The following DLG2 variants were observed in gnomAD, a reference collection of about 807,000 sequenced individuals.
DLG2 encodes discs large MAGUK scaffold protein 2.
DLG2 carries 45 observed loss-of-function variants against 132.5 expected under a neutral mutation model. That is an observed-to-expected ratio of 0.34 (90% CI 0.27 to 0.44). The LOEUF is 0.44. DLG2 is among the 20% of genes least tolerant of loss of function. DLG2 has a pLI of 1.00. For missense variants in DLG2, 1,045 were observed against 1,196.9 expected (o/e 0.87, Z 1.87); for synonymous variants, 424 against 419.6 (o/e 1.01, Z -0.13).
Position 85,420,229 on chromosome 11 carries a change from C to A in DLG2, c.41-134864G>T, listed in dbSNP as rs182225775. Among the ~76,000 whole-genome samples the A allele has an allele frequency of 7.9e-5, 12 of 152,270 alleles. No homozygotes were observed. In the East Asian group the frequency reaches 2.3e-3, roughly 29 times the overall value. Reference sequence around the variant, plus strand: ...TGCTGGAGTTTGCTGGAGGTCTACTCCAGACCATGTTTGCCTAGGTATCAC... The same window carrying A: ...TGCTGGAGTTTGCTGGAGGTCTACTACAGACCATGTTTGCCTAGGTATCAC... On this transcript the variant is annotated intron_variant, in intron 3 of 27. Transcript: ENST00000376104.
intron 6 of DLG2, among the ~76,000 whole-genome samples, chr11:84,856,717 G>T (rs1408732216): frequency 6.6e-6 from 1 of 151,874 alleles, no homozygotes; most frequent in East Asian, 1.9e-4. Context: ...CCCTTCAAAG[G>T]TTTCCTGCTC....
At chr11:83,629,794 C>A (rs578214302) in intron 19 of DLG2, among the ~76,000 whole-genome samples, 3 of 152,234 alleles carry the variant, frequency 2.0e-5, no homozygotes, top group African/African-American at 7.2e-5. Context: ...CAATAAAATT[C>A]ATATTCCAGT....
At chr11:84,348,145 A>G (rs560831485) in intron 7 of DLG2, among the ~76,000 whole-genome samples, 1 of 152,328 alleles carries the variant, frequency 6.6e-6, no homozygotes, top group African/African-American at 2.4e-5. Flanking sequence ...CATTCTTATC[A>G]TTACTTATAA....
At chr11:84,109,746 C>T (rs6592164) in intron 9 of DLG2, among the ~76,000 whole-genome samples, 133,108 of 152,094 alleles carry the variant, frequency 0.88, 58,552 homozygotes, top group Middle Eastern at 0.95. Context: ...ATCTTCTACT[C>T]CTAATGACAT....
chr11:84,254,686 ATAAT>A (rs2097437514), intron 7 of DLG2, among the ~76,000 whole-genome samples: 1 of 152,204 alleles, frequency 6.6e-6, no homozygotes, highest in Non-Finnish European at 1.5e-5. Context: ...TTATAAAATA[ATAAT>A]TAATAATTTC....
At chr11:83,753,837 T>TATATATATC (rs1566831674) in intron 18 of DLG2, among the ~76,000 whole-genome samples, 150 of 11,064 alleles carry the variant, frequency 0.014, 5 homozygotes, top group African/African-American at 0.057. Context: ...ATATATATGA[T>TATATATATC]ATATATCATA....
intron 3 of DLG2, among the ~76,000 whole-genome samples, chr11:85,412,752 C>CATATATATAT (rs1458933936): frequency 8.0e-6 from 1 of 125,432 alleles, no homozygotes; most frequent in African/African-American, 3.2e-5. Flanking sequence ...CACACACACA[C>CATATATATAT]ACACACACAT....
chr11:84,330,114 C>T (rs1834992749), intron 7 of DLG2, among the ~76,000 whole-genome samples: 2 of 152,186 alleles, frequency 1.3e-5, no homozygotes, highest in Non-Finnish European at 2.9e-5. Flanking sequence ...TCTATTTATG[C>T]ATTTACCTGT....
At chr11:84,843,832 T>C (rs948179327) in intron 6 of DLG2, among the ~76,000 whole-genome samples, 1 of 151,682 alleles carries the variant, frequency 6.6e-6, no homozygotes. Flanking sequence ...GTTGAATCCA[T>C]GGATGTGGAA....
At chr11:83,537,563 C>T (rs2095913107) in intron 20 of DLG2, among the ~76,000 whole-genome samples, 1 of 151,870 alleles carries the variant, frequency 6.6e-6, no homozygotes, top group African/African-American at 2.4e-5. Context: ...GCCTGTAATC[C>T]CAGCATTTTG....
chr11:85,269,980 A>T (rs2077426890), intron 4 of DLG2, among the ~76,000 whole-genome samples: 2 of 152,262 alleles, frequency 1.3e-5, no homozygotes, highest in African/African-American at 4.8e-5. Flanking sequence ...AGCACTGCTT[A>T]GAATATAATA....
intron 7 of DLG2, among the ~76,000 whole-genome samples, chr11:84,359,505 T>C (rs1377407382): frequency 2.0e-5 from 3 of 151,810 alleles, no homozygotes; most frequent in Non-Finnish European, 2.9e-5. Flanking sequence ...GGCCTGAAAA[T>C]TATTGTCTAG....
intron 6 of DLG2, among the ~76,000 whole-genome samples, chr11:85,062,319 T>C (rs775732323): frequency 1.2e-4 from 18 of 151,832 alleles, no homozygotes; most frequent in South Asian, 2.1e-4. Flanking sequence ...TGTTTGATCA[T>C]TGCATTCCAG....
intron 6 of DLG2, among the ~76,000 whole-genome samples, chr11:84,943,167 CGTGTGTGTGTGTGTGTGT>C (rs201404405): frequency 7.3e-6 from 1 of 137,798 alleles, no homozygotes; most frequent in African/African-American, 2.7e-5. Context: ...TGTGTGTGTG[CGTGTGTGTGTGTGTGTGT>C]GTGTGTGTGT....
At chr11:83,531,408 C>A (rs966622035) in intron 21 of DLG2, among the ~76,000 whole-genome samples, 1 of 151,970 alleles carries the variant, frequency 6.6e-6, no homozygotes, top group African/African-American at 2.4e-5. Context: ...TGAAAATATG[C>A]TCAATATCAA....
chr11:85,613,108 A>T (rs986152127), intron 2 of DLG2, among the ~76,000 whole-genome samples: 1 of 151,724 alleles, frequency 6.6e-6, no homozygotes, highest in African/African-American at 2.4e-5. Context: ...ACTCTTACCA[A>T]CCTCTAGAGT....
intron 7 of DLG2, among the ~76,000 whole-genome samples, chr11:84,270,196 A>G (rs1041278734): frequency 1.3e-5 from 2 of 152,234 alleles, no homozygotes; most frequent in African/African-American, 2.4e-5. Context: ...GATGGAACCA[A>G]TTTAAAATAC....
At chr11:84,179,333 A>G (rs2154278196) in intron 8 of DLG2, among the ~76,000 whole-genome samples, 1 of 152,328 alleles carries the variant, frequency 6.6e-6, no homozygotes, top group Admixed American at 6.5e-5. Context: ...TGTTAGATCC[A>G]TCAGAGAAGT....
chr11:85,053,497 A>T (rs557032891), intron 6 of DLG2, among the ~76,000 whole-genome samples: 1 of 152,070 alleles, frequency 6.6e-6, no homozygotes, highest in Admixed American at 6.6e-5. Flanking sequence ...GAAAAAATAT[A>T]GTGAGTACAG....
Sources: allele counts gnomAD v4.1 joint callset (sites outside exome capture counted in the v4.1 genomes callset), GRCh38; gene constraint gnomAD v4.1.1; transcripts MANE v1.5; gene names NCBI Gene and HGNC (gene_info 2026-07-23, HGNC 2026-07-21).